The following SYTL2 variants were observed in gnomAD, a reference collection of about 807,000 sequenced individuals.
SYTL2 encodes the protein synaptotagmin-like protein 2.
In SYTL2, 165 loss-of-function variants were observed where a neutral mutation model predicts 198.7. That is an observed-to-expected ratio of 0.83 (90% CI 0.73 to 0.94). SYTL2 has a LOEUF of 0.94. Ranked by LOEUF, SYTL2 falls within the 40% of genes least tolerant of loss-of-function variation. The probability of loss-of-function intolerance (pLI) is 0.00; values close to 1 mark genes in which losing one functional copy is unlikely to be tolerated. For synonymous variants in SYTL2, 966 were observed against 917.7 expected, an observed-to-expected ratio of 1.05 and a Z score of -0.95; for missense variants, 2,835 against 2,582.8, an observed-to-expected ratio of 1.10 and a Z score of -2.12.
At chr11:85,834,256 CTAGA>C in the SYTL2 span, among the ~76,000 whole-genome samples, 18 of 152,152 alleles carry the variant, frequency 1.2e-4, no homozygotes, top group South Asian at 4.2e-4. Context: ...ATATATGTAG[CTAGA>C]TAAATAATAT....
chr11:85,823,512 T>C, the SYTL2 span, among the ~76,000 whole-genome samples: 1 of 152,256 alleles, frequency 6.6e-6, no homozygotes, highest in African/African-American at 2.4e-5. Context: ...CCCATTATGC[T>C]TTATATTAGT....
At chr11:85,754,371 G>A (rs1044127223) in intron 2 of SYTL2, among the ~76,000 whole-genome samples, 2 of 152,146 alleles carry the variant, frequency 1.3e-5, no homozygotes, top group Non-Finnish European at 2.9e-5. Context: ...AGAGTTTTAG[G>A]AGTAATTTCC....
intron 1 of SYTL2, among the ~76,000 whole-genome samples, chr11:85,791,951 G>T (rs1242378510): frequency 6.6e-6 from 1 of 152,064 alleles, no homozygotes; most frequent in African/African-American, 2.4e-5. Flanking sequence ...AAGAGAAAGG[G>T]ATTAATAACC....
Position 85,734,333 on chromosome 11 carries a change from A to G in SYTL2, c.996T>C (p.His332=), listed in dbSNP as rs745470252. ...CATCCTTCACTGCAGAGAATCTCACATGCTTTAATGGCTCCAGGGAGTTTG... is the reference window on the plus strand; with the variant it reads ...CATCCTTCACTGCAGAGAATCTCACGTGCTTTAATGGCTCCAGGGAGTTTG... The part of the protein sequence containing the change: ...SSPNSLEPLK[H]VRFSAVKDEL... The change falls in exon 7 of 20, where the codon CAT becomes CAC. Residue 332 remains histidine, a synonymous_variant. Transcript: ENST00000359152. 1 of 1,614,210 alleles carries G rather than the reference A, an allele frequency of 6.2e-7. No individual in the cohort carries two copies. Among genetic ancestry groups the G allele is most frequent in the Non-Finnish European group, 8.5e-7 (1 of 1,180,018 alleles).
chr11:85,818,281 G>C, the SYTL2 span, among the ~76,000 whole-genome samples: 1 of 151,890 alleles, frequency 6.6e-6, no homozygotes, highest in African/African-American at 2.4e-5. Context: ...ACATAATTTT[G>C]TTACATCCCT....
intron 6 of SYTL2, 119 bp from the exon 7 acceptor site, chr11:85,734,861 T>A: frequency 1.2e-6 from 1 of 807,668 alleles, no homozygotes. Context: ...GACAGTAAAG[T>A]ATGTGGCACA....
At chr11:85,761,275 G>A (rs1294800902) in intron 1 of SYTL2, among the ~76,000 whole-genome samples, 1 of 152,232 alleles carries the variant, frequency 6.6e-6, no homozygotes, top group African/African-American at 2.4e-5. Context: ...AACTCAGGGA[G>A]AGTAGGAATT....
At chr11:85,733,163 T>C (rs1401765324) in intron 7 of SYTL2, among the ~76,000 whole-genome samples, 1 of 152,194 alleles carries the variant, frequency 6.6e-6, no homozygotes, top group African/African-American at 2.4e-5. Context: ...AAGTCTAGTT[T>C]CCCATCCTTT....
chr11:85,846,473 G>T, the SYTL2 span, among the ~76,000 whole-genome samples: 1 of 152,148 alleles, frequency 6.6e-6, no homozygotes, highest in African/African-American at 2.4e-5. Flanking sequence ...TTGTTACCCA[G>T]GCTGGAGTAC....
At chr11:85,825,092 A>G in the SYTL2 span, among the ~76,000 whole-genome samples, 1 of 152,332 alleles carries the variant, frequency 6.6e-6, no homozygotes, top group East Asian at 1.9e-4. Flanking sequence ...TACATAGCTT[A>G]CTTATGTTTT....
intron 16 of SYTL2, 114 bp from the exon 17 acceptor site, chr11:85,700,707 T>A (rs962655828): frequency 1.4e-5 from 11 of 762,560 alleles, no homozygotes; most frequent in Non-Finnish European, 2.5e-5. Context: ...GTGTCACTCA[T>A]GAGTGCTCTG....
chr11:85,837,074 AATCAAT>A, the SYTL2 span, among the ~76,000 whole-genome samples: 1 of 152,230 alleles, frequency 6.6e-6, no homozygotes, highest in Admixed American at 6.5e-5. Context: ...CTCCTCAAGC[AATCAAT>A]ATGCATCCTT....
chr11:85,825,667 A>C, the SYTL2 span, among the ~76,000 whole-genome samples: 2 of 152,238 alleles, frequency 1.3e-5, no homozygotes, highest in Non-Finnish European at 2.9e-5. Context: ...CAGAAACACA[A>C]CTGTATGGAT....
chr11:85,700,634 T>TG, intron 16 of SYTL2, 41 bp from the exon 17 acceptor site: 1 of 1,477,892 alleles, frequency 6.8e-7, no homozygotes, highest in Non-Finnish European at 9.5e-7. Flanking sequence ...AGACAAACTT[T>TG]TCATCCTGTT....
the SYTL2 span, among the ~76,000 whole-genome samples, chr11:85,850,345 C>A: frequency 6.6e-6 from 1 of 152,114 alleles, no homozygotes. Context: ...AACAAACAAC[C>A]CCATCAAAAA....
chr11:85,711,004 T>C (rs140407705), intron 13 of SYTL2, 109 bp downstream of exon 13: 3 of 1,234,868 alleles, frequency 2.4e-6, no homozygotes, highest in African/African-American at 3.1e-5. Flanking sequence ...GAGAAACTGT[T>C]TGTGCCCTGA....
chr11:85,716,882 T>C (rs978692208), intron 11 of SYTL2, among the ~76,000 whole-genome samples: 1 of 152,160 alleles, frequency 6.6e-6, no homozygotes, highest in African/African-American at 2.4e-5. Context: ...CATTAATTAG[T>C]AGATGGGCAT....
At chr11:85,823,810 C>G in the SYTL2 span, among the ~76,000 whole-genome samples, 19 of 152,204 alleles carry the variant, frequency 1.2e-4, no homozygotes, top group African/African-American at 3.1e-4. Flanking sequence ...TCTTAAGGCA[C>G]TAGCTCAAAT....
At chr11:85,719,592 G>A (rs187942451) in intron 9 of SYTL2, among the ~76,000 whole-genome samples, 7 of 151,780 alleles carry the variant, frequency 4.6e-5, no homozygotes, top group Admixed American at 2.0e-4. Context: ...GATTCGACTC[G>A]CCTTCTCTGG....
Sources: gnomAD v4.1 joint callset for allele counts (sites outside exome capture counted in the v4.1 genomes callset) on GRCh38, gnomAD v4.1.1 for gene constraint, MANE v1.5 for transcripts, NCBI Gene and HGNC (gene_info 2026-07-23, HGNC 2026-07-21) for gene names.